The following RARB variants were observed in gnomAD, a reference collection of about 807,000 sequenced individuals.
RARB encodes the protein HBV-activated protein.
In RARB, 17 loss-of-function variants were observed where a neutral mutation model predicts 51.9. The observed-to-expected ratio is 0.33, with a 90% CI of 0.22 to 0.49. RARB has a LOEUF of 0.49. Ranked by LOEUF, RARB falls within the 20% of genes least tolerant of loss-of-function variation. RARB has a pLI of 0.99. For missense variants in RARB, 369 were observed against 550.8 expected (o/e 0.67, Z 3.30); for synonymous variants, 215 against 195.4 (o/e 1.10, Z -0.84).
chr3:25,127,877 T>C (rs775038990), intron 3 of RARB, among the ~76,000 whole-genome samples: 42 of 152,108 alleles, frequency 2.8e-4, no homozygotes, highest in Non-Finnish European at 5.4e-4. Flanking sequence ...CACTTCTGTG[T>C]TGAGTTTTAG....
chr3:24,858,304 A>G (rs1438102615), intron 1 of RARB, among the ~76,000 whole-genome samples: 1 of 152,032 alleles, frequency 6.6e-6, no homozygotes, highest in Non-Finnish European at 1.5e-5. Flanking sequence ...TTAATTTGCT[A>G]TTGGGTCAAA....
chr3:24,929,067 T>A (rs1318982805), intron 2 of RARB, among the ~76,000 whole-genome samples: 1 of 152,096 alleles, frequency 6.6e-6, no homozygotes. Flanking sequence ...AAAGATATCA[T>A]GTAAAAGTAA....
At chr3:25,066,815 C>A (rs1008852258) in intron 3 of RARB, among the ~76,000 whole-genome samples, 1 of 151,994 alleles carries the variant, frequency 6.6e-6, no homozygotes, top group Non-Finnish European at 1.5e-5. Flanking sequence ...TTGTCCTCAT[C>A]TTATGTAAAC....
chr3:24,930,407 C>A lies in RARB; in HGVS notation c.-380+71655C>A, dbSNP rs543114946. On this transcript the variant is annotated intron_variant, in intron 2 of 11. Transcript: ENST00000383772. Reference sequence around the variant, plus strand: ...TGGTTATACCTAGCATCATAAAATTCTCAGCAATATTCCCCAAACCAAAGT... The same window carrying A: ...TGGTTATACCTAGCATCATAAAATTATCAGCAATATTCCCCAAACCAAAGT... Among the ~76,000 whole-genome samples the A allele has an allele frequency of 2.6e-5, 4 of 152,144 alleles. No individual in the cohort carries two copies. In the South Asian group the frequency reaches 8.3e-4, roughly 32 times the overall value.
At chr3:25,171,485 TAAAAAAA>T (rs10559921) in intron 4 of RARB, among the ~76,000 whole-genome samples, 32 of 9,978 alleles carry the variant, frequency 3.2e-3, no homozygotes, top group African/African-American at 0.011. Context: ...ATAAGCAGTT[TAAAAAAA>T]AAAAAAAAAA....
intron 2 of RARB, among the ~76,000 whole-genome samples, chr3:24,873,981 A>G (rs1417862241): frequency 6.6e-6 from 1 of 152,120 alleles, no homozygotes; most frequent in African/African-American, 2.4e-5. Context: ...GCAACAAAAT[A>G]CTGATAAAAA....
intron 1 of RARB, among the ~76,000 whole-genome samples, chr3:25,430,508 A>G (rs1201292983): frequency 6.6e-6 from 1 of 152,264 alleles, no homozygotes; most frequent in Non-Finnish European, 1.5e-5. Context: ...TAGACCTAAT[A>G]GAGTTTTTAC....
intron 2 of RARB, among the ~76,000 whole-genome samples, chr3:24,878,123 T>A (rs949396909): frequency 6.6e-6 from 1 of 152,196 alleles, no homozygotes; most frequent in African/African-American, 2.4e-5. Context: ...AGAATTGTGT[T>A]GTCTTAATGA....
intron 5 of RARB, among the ~76,000 whole-genome samples, chr3:25,204,275 T>C (rs1701471888): frequency 1.3e-5 from 2 of 152,230 alleles, no homozygotes; most frequent in Admixed American, 1.3e-4. Context: ...TTCAGCTCCA[T>C]CAGGTCCTTT....
At chr3:25,547,086 G>C (rs1227416890) in intron 3 of RARB, among the ~76,000 whole-genome samples, 2 of 152,140 alleles carry the variant, frequency 1.3e-5, no homozygotes, top group Non-Finnish European at 2.9e-5. Flanking sequence ...ATACCCGAAG[G>C]CCTCCTCCAA....
At chr3:24,981,987 G>A (rs1163874898) in intron 2 of RARB, among the ~76,000 whole-genome samples, 1 of 152,200 alleles carries the variant, frequency 6.6e-6, no homozygotes, top group African/African-American at 2.4e-5. Flanking sequence ...GTGACCTTAA[G>A]ACAAAAGGGA....
intron 2 of RARB, among the ~76,000 whole-genome samples, chr3:25,037,829 G>T (rs1178637421): frequency 1.3e-5 from 2 of 152,112 alleles, no homozygotes; most frequent in African/African-American, 2.4e-5. Flanking sequence ...CCTTTGTGTT[G>T]GGGACCTTAG....
chr3:25,020,464 A>G (rs1697610482), intron 2 of RARB: 1 of 152,252 alleles, frequency 6.6e-6, no homozygotes, highest in East Asian at 1.9e-4. Flanking sequence ...TCTATAAAGC[A>G]TCTTCATATA....
intron 5 of RARB, among the ~76,000 whole-genome samples, chr3:25,220,543 A>G (rs796303047): frequency 7.2e-5 from 11 of 152,328 alleles, no homozygotes; most frequent in African/African-American, 1.9e-4. Context: ...TAATTGAATC[A>G]TGGGGGCAGT....
intron 5 of RARB, among the ~76,000 whole-genome samples, chr3:25,327,435 A>C (rs1704758662): frequency 6.6e-6 from 1 of 152,210 alleles, no homozygotes; most frequent in South Asian, 2.1e-4. Context: ...CAGACTTTTT[A>C]ATAGCTACAT....
intron 5 of RARB, among the ~76,000 whole-genome samples, chr3:25,583,828 A>G (rs1701281730): frequency 6.6e-6 from 1 of 152,194 alleles, no homozygotes; most frequent in East Asian, 1.9e-4. Context: ...AAATGTCTCT[A>G]TTAAGACAGG....
At chr3:25,191,579 A>G (rs1481469783) in intron 5 of RARB, among the ~76,000 whole-genome samples, 4 of 152,130 alleles carry the variant, frequency 2.6e-5, no homozygotes, top group African/African-American at 7.2e-5. Flanking sequence ...AAATAAGTGA[A>G]AAGATCCATA....
chr3:24,972,039 T>C (rs907650779), intron 2 of RARB, among the ~76,000 whole-genome samples: 1 of 151,978 alleles, frequency 6.6e-6, no homozygotes, highest in East Asian at 1.9e-4. Flanking sequence ...AAATGTACGA[T>C]GGATTAATAT....
intron 5 of RARB, among the ~76,000 whole-genome samples, chr3:25,420,047 A>T (rs1309886939): frequency 1.3e-5 from 2 of 152,054 alleles, no homozygotes; most frequent in African/African-American, 4.8e-5. Context: ...GAGAAAAACT[A>T]TTTTTTTAAC....
Sources: allele counts gnomAD v4.1 joint callset (sites outside exome capture counted in the v4.1 genomes callset), GRCh38; gene constraint gnomAD v4.1.1; transcripts MANE v1.5; gene names NCBI Gene and HGNC (gene_info 2026-07-23, HGNC 2026-07-21).